The following ABCA13 variants were observed in gnomAD, a reference collection of about 807,000 sequenced individuals.
ABCA13 encodes ATP-binding cassette sub-family A member 13.
In ABCA13, 476 loss-of-function variants were observed where a neutral mutation model predicts 478.7. That is an observed-to-expected ratio of 0.99 (90% CI 0.92 to 1.07). The LOEUF (loss-of-function observed/expected upper bound fraction) is 1.07, where lower values mean the gene tolerates loss of function less well. Among genes scored for constraint, ABCA13 ranks in the 50% least tolerant of loss-of-function variants. The probability of loss-of-function intolerance (pLI) is 0.00; values close to 1 mark genes in which losing one functional copy is unlikely to be tolerated. For synonymous variants in ABCA13, 2,252 were observed against 2,158.9 expected (o/e 1.04, Z -1.20); for missense variants, 6,060 against 5,910.6 (o/e 1.03, Z -0.83).
At chr7:48,223,891 G>A (rs1262068436) in intron 5 of ABCA13, among the ~76,000 whole-genome samples, 1 of 151,426 alleles carries the variant, frequency 6.6e-6, no homozygotes, top group African/African-American at 2.4e-5. Context: ...CCTGGGAGGC[G>A]GAGGTTGCAG....
In ABCA13 at chr7:48,177,799, T is replaced by A. The variant is rs997901966; in HGVS notation, c.69+6247T>A. On this transcript the variant is annotated intron_variant, in intron 1 of 61. Transcript: ENST00000435803. ...ACTTCTGTTTGGCTAGATGAGAAGA[T>A]AAAGTTGATAATCTTCCTACTTGTC... Among the ~76,000 whole-genome samples the A allele has an allele frequency of 2.1e-3, 314 of 152,334 alleles. 4 individuals carry two copies. The highest frequency in any genetic ancestry group is 5.7e-4 in the Non-Finnish European group (39 of 68,022).
intron 48 of ABCA13, among the ~76,000 whole-genome samples, chr7:48,497,786 G>A (rs1830405867): frequency 6.6e-6 from 1 of 152,114 alleles, no homozygotes. Context: ...CTCCCCATTG[G>A]GCCCTGATGA....
chr7:48,247,027 G>A (rs1226079597), intron 13 of ABCA13, among the ~76,000 whole-genome samples: 1 of 152,014 alleles, frequency 6.6e-6, no homozygotes, highest in Non-Finnish European at 1.5e-5. Context: ...TTGAGCCCAG[G>A]AGTTTAAGAC....
chr7:48,241,129 G>A (rs1443541155), intron 10 of ABCA13, 63 bp downstream of exon 10: 34 of 1,548,304 alleles, frequency 2.2e-5, no homozygotes, highest in Admixed American at 1.0e-4. Flanking sequence ...TAAAGAGTGC[G>A]TGATGATACT....
At chr7:48,507,477 G>A (rs1019265817) in intron 49 of ABCA13, among the ~76,000 whole-genome samples, 2 of 152,206 alleles carry the variant, frequency 1.3e-5, no homozygotes, top group Non-Finnish European at 2.9e-5. Context: ...GAGCTGTAGT[G>A]AAGGCTCCTC....
At chr7:48,291,699 G>A (rs139036221) in intron 20 of ABCA13, among the ~76,000 whole-genome samples, 2 of 152,242 alleles carry the variant, frequency 1.3e-5, no homozygotes, top group African/African-American at 4.8e-5. Flanking sequence ...GAGGGTCCAT[G>A]GCAACTGAAA....
At chr7:48,210,463 G>A (rs1381083696) in intron 3 of ABCA13, among the ~76,000 whole-genome samples, 1 of 152,034 alleles carries the variant, frequency 6.6e-6, no homozygotes, top group African/African-American at 2.4e-5. Flanking sequence ...CTTTTGTGAT[G>A]TAGGCATTTA....
In ABCA13 at chr7:48,279,667, C is replaced by G. The variant is rs1380894196; in HGVS notation, c.8473C>G (p.Leu2825Val). The change falls in exon 18 of 62, where the codon CTC becomes GTC. Residue 2825 changes from leucine to valine, a missense_variant. Leu to Val is a conservative substitution (Grantham distance 32). This residue lies in a region of ABCA13 where 4,423 missense variants were observed against 4,309.1 expected (regional missense o/e 1.03). Coordinates refer to ENST00000435803, the MANE Select transcript of ABCA13 (RefSeq NM_152701.5). ...AIHNVLSRIA[L>V]WRKGLLFNNS... ...CCATAATGTTTTAAGTAGAATAGCT[C>G]TCTGGAGGAAAGGACTTCTGTTTAA... is the stretch of plus-strand genomic sequence containing the variant. The G allele has an allele frequency of 2.5e-6, 4 of 1,613,498 alleles. No individual in the cohort carries two copies. In the South Asian group the frequency reaches 3.3e-5, roughly 13 times the overall value.
chr7:48,237,363 G>T (rs1790126406), intron 8 of ABCA13, among the ~76,000 whole-genome samples: 1 of 152,156 alleles, frequency 6.6e-6, no homozygotes, highest in African/African-American at 2.4e-5. Flanking sequence ...TACAAGGGCA[G>T]GTTCTGTACC....
chr7:48,262,568 C>T (rs1017655024), intron 15 of ABCA13, among the ~76,000 whole-genome samples: 3 of 151,728 alleles, frequency 2.0e-5, no homozygotes, highest in African/African-American at 4.8e-5. Context: ...TCTCATCTGC[C>T]GTTGTTTCCT....
At chr7:48,434,470 C>G (rs1468741138) in intron 42 of ABCA13, among the ~76,000 whole-genome samples, 1 of 151,688 alleles carries the variant, frequency 6.6e-6, no homozygotes, top group African/African-American at 2.4e-5. Flanking sequence ...CCTTTTTACT[C>G]TATTAATTGT....
intron 58 of ABCA13, among the ~76,000 whole-genome samples, 181 bp downstream of exon 58, chr7:48,594,994 C>T (rs899699347): frequency 2.0e-5 from 3 of 152,186 alleles, no homozygotes; most frequent in African/African-American, 4.8e-5. Context: ...TGAGGGATTA[C>T]GTTATATAAC....
rs370772927 is a variant in ABCA13 at position 48,171,492 on chromosome 7, T to C, written c.9T>C (p.His3=). 9.0e-5 allele frequency: 138 copies of C among 1,536,044 alleles called. No individual in the cohort carries two copies. The African/African-American group carries it at 1.7e-3, about 19-fold the overall frequency. The change falls in exon 1 of 62, where the codon CAT becomes CAC. Residue 3 remains histidine (H), a synonymous_variant. Transcript: ENST00000435803. ...AGCAGGGAGCAGCAGGCATGGGGCA[T>C]GCCGGGTGCCAGTTCAAAGCCCTGC... MG[H]AGCQFKALLW...
intron 5 of ABCA13, among the ~76,000 whole-genome samples, chr7:48,223,029 G>A (rs1476788775): frequency 6.6e-6 from 1 of 152,152 alleles, no homozygotes; most frequent in African/African-American, 2.4e-5. Context: ...ATATATTTTG[G>A]AGGTAAAATC....
At chr7:48,288,904 C>T (rs1011871267) in intron 20 of ABCA13, among the ~76,000 whole-genome samples, 27 of 152,152 alleles carry the variant, frequency 1.8e-4, no homozygotes, top group African/African-American at 6.3e-4. Flanking sequence ...TAGGCCTGAT[C>T]CCCCTGACAA....
intron 1 of ABCA13, among the ~76,000 whole-genome samples, chr7:48,190,186 TAAA>T (rs2128890250): frequency 6.6e-6 from 1 of 152,266 alleles, no homozygotes; most frequent in South Asian, 2.1e-4. Context: ...AAATCCACAT[TAAA>T]AATCATATAC....
chr7:48,375,615 TG>T lies in ABCA13; in HGVS notation c.11204-817del, dbSNP rs200136094. On this transcript the variant is annotated intron_variant, in intron 34 of 61. Coordinates refer to ENST00000435803, the MANE Select transcript of ABCA13 (RefSeq NM_152701.5). ...TCATAGATATTTGTATGGTTTTTTT[TG>T]GGGGGGGGTGTTTTTGTAAACAGAG... 1.9e-3 allele frequency among the ~76,000 whole-genome samples: 282 copies of T among 150,496 alleles called. 2 individuals are homozygous for T. The highest frequency in any genetic ancestry group is 5.3e-3 in the African/African-American group (219 of 40,964).
At chr7:48,345,421 A>T (rs920334047) in intron 29 of ABCA13, among the ~76,000 whole-genome samples, 1 of 152,176 alleles carries the variant, frequency 6.6e-6, no homozygotes, top group Non-Finnish European at 1.5e-5. Flanking sequence ...ACCTCCTTCC[A>T]GTGGGACAAG....
chr7:48,312,494 A>T lies in ABCA13; in HGVS notation c.9517-573A>T, dbSNP rs546154307. 1.7e-4 allele frequency among the ~76,000 whole-genome samples: 26 copies of T among 152,330 alleles called. No individual in the cohort carries two copies. The South Asian group carries it at 5.0e-3, about 29-fold the overall frequency. On this transcript the variant is annotated intron_variant, in intron 24 of 61. Transcript: ENST00000435803. ...ACAGAGCATTTCAGTTGGTGATAGCATAAGTAAGCTTCAGAGGGCACTGAC... is the reference window on the plus strand; with the variant it reads ...ACAGAGCATTTCAGTTGGTGATAGCTTAAGTAAGCTTCAGAGGGCACTGAC...
Sources: allele counts gnomAD v4.1 joint callset (sites outside exome capture counted in the v4.1 genomes callset), GRCh38; gene constraint gnomAD v4.1.1; regional missense constraint gnomAD v4.1.1; transcripts MANE v1.5; gene names NCBI Gene and HGNC (gene_info 2026-07-23, HGNC 2026-07-21).